Variants in AHNAK2 observed in about 807,000 individuals in gnomAD.
AHNAK2 encodes the protein protein AHNAK2.
AHNAK2 carries 18 observed loss-of-function variants against 30.7 expected under a neutral mutation model. The ratio of observed to expected loss-of-function variants is 0.59; its 90% CI spans 0.41 to 0.87. The LOEUF (loss-of-function observed/expected upper bound fraction) is 0.87, where lower values mean the gene tolerates loss of function less well. AHNAK2 is among the 40% of genes least tolerant of loss of function. The pLI, the probability that AHNAK2 is intolerant of heterozygous loss-of-function variation, is 0.00. For synonymous variants in AHNAK2, 3,590 were observed against 3,073.8 expected (o/e 1.17, Z -5.56); for missense variants, 8,604 against 7,373.0 (o/e 1.17, Z -6.11).
In AHNAK2 at chr14:104,947,361, C is replaced by A. The variant is rs1188555560; in HGVS notation, c.8090G>T (p.Ser2697Ile). 6.2e-7 allele frequency: 1 copy of A among 1,612,688 alleles called. No homozygotes were observed. The highest frequency in any genetic ancestry group is 8.5e-7 in the Non-Finnish European group (1 of 1,179,616). The change falls in exon 7 of 7, where the codon AGC (serine) becomes ATC (isoleucine). Residue 2697 changes from serine (S) to isoleucine (I), a missense_variant. Ser to Ile is a moderately radical substitution (Grantham distance 142). Transcript: ENST00000333244. ...MQGDLKTTDI[S>I]IQPPSAQLEV... ...CAGTTGGGCAGAGGGGGGCTGAATG[C>A]TGATGTCAGTGGTCTTAAGGTCCCC...
At chr14:104,963,830 A>AAAAAAAAAAAG (rs1269426651) in intron 1 of AHNAK2, among the ~76,000 whole-genome samples, 1 of 148,384 alleles carries the variant, frequency 6.7e-6, no homozygotes, top group Non-Finnish European at 1.5e-5. Context: ...ACTCCGTCTA[A>AAAAAAAAAAAG]AAAAAAAAAA....
At position 104,939,171 on chromosome 14, in the gene AHNAK2, T is replaced by G; in HGVS notation, c.16280A>C (p.Glu5427Ala). The change falls in exon 7 of 7, where the codon GAA becomes GCA. Residue 5427 changes from glutamate to alanine, a missense_variant. Coordinates refer to ENST00000333244, the MANE Select transcript of AHNAK2 (RefSeq NM_138420.4). Reference sequence around the variant, plus strand: ...GCTGGCTCCCCAGAGCCCCGGACTTTCCTTACAAAGGGCTGTATCAATATT... The same window carrying G: ...GCTGGCTCCCCAGAGCCCCGGACTTGCCTTACAAAGGGCTGTATCAATATT... ...EANIDTALCK[E>A]SPGLWGASIL... 2 of 1,613,330 alleles carry G rather than the reference T, an allele frequency of 1.2e-6. No individual in the cohort carries two copies. Among genetic ancestry groups the G allele is most frequent in the Non-Finnish European group, 1.7e-6 (2 of 1,179,748 alleles).
intron 1 of AHNAK2, among the ~76,000 whole-genome samples, chr14:104,975,156 C>T (rs1305393816): frequency 1.3e-5 from 2 of 152,194 alleles, no homozygotes; most frequent in African/African-American, 2.4e-5. Context: ...ACGACGAGCC[C>T]GGATGGGAGT....
rs754650051 is a variant in AHNAK2 at position 104,948,357 on chromosome 14, T to C, written c.7094A>G (p.Asp2365Gly). 6.2e-7 allele frequency: 1 copy of C among 1,612,496 alleles called. No individual in the cohort carries two copies. Among genetic ancestry groups the C allele is most frequent in the South Asian group, 1.1e-5 (1 of 91,036 alleles). Residue 2365 changes from aspartate to glycine, a missense_variant, in exon 7 of 7, where the codon GAC becomes GGC. By Grantham distance (94) the Asp-to-Gly change is moderately conservative. Transcript: ENST00000333244. ...AGCGGAAGGGGGCTGAACGCTGAGG[T>C]CAGTGGTCTTGAGGTCCCCCTGCAT... ...PSMQGDLKTT[D>G]LSVQPPSADL...
chr14:104,946,796 G>A lies in AHNAK2; in HGVS notation c.8655C>T (p.His2885=), dbSNP rs190699492. 10,580 of 1,612,610 alleles carry A rather than the reference G, an allele frequency of 6.6e-3. 57 individuals are homozygous for A. The highest frequency in any genetic ancestry group is 7.9e-3 in the Non-Finnish European group (9,371 of 1,179,602). ...GQVDVKLPEG[H]VPEGAGLKGH... ...CTTTGAGGCCGGCTCCCTCGGGAACGTGGCCCTCTGGGAGTTTCACGTCCA... is the reference window on the plus strand; with the variant it reads ...CTTTGAGGCCGGCTCCCTCGGGAACATGGCCCTCTGGGAGTTTCACGTCCA... Residue 2885 remains histidine, a synonymous_variant, in exon 7 of 7, where the codon CAC becomes CAT. Transcript: ENST00000333244.
At position 104,950,782 on chromosome 14, in the gene AHNAK2, C is replaced by T; in HGVS notation, c.4669G>A (p.Val1557Met). The stretch of plus-strand genomic sequence containing the variant: ...GGGCCCTCTGGGAGTTTCACGTCCA[C>T]TTGGCCAGCCTGGACCTCCAGGTCA... ...SADLEVQAGQVDVKLPEGPVS... is the reference protein window; with the variant it reads ...SADLEVQAGQMDVKLPEGPVS... The change falls in exon 7 of 7, where the codon GTG becomes ATG. Residue 1557 changes from valine (V) to methionine (M), a missense_variant. Coordinates refer to ENST00000333244, the MANE Select transcript of AHNAK2 (RefSeq NM_138420.4). The T allele has an allele frequency of 1.3e-6, 2 of 1,585,890 alleles. No homozygotes were observed. Among genetic ancestry groups the T allele is most frequent in the Non-Finnish European group, 8.6e-7 (1 of 1,162,282 alleles).
At position 104,953,103 on chromosome 14, in the gene AHNAK2, G is replaced by T. The variant is rs1898841180; in HGVS notation, c.2348C>A (p.Pro783His). 6.2e-7 allele frequency: 1 copy of T among 1,613,184 alleles called. No individual in the cohort carries two copies. Among genetic ancestry groups the T allele is most frequent in the Non-Finnish European group, 8.5e-7 (1 of 1,179,674 alleles). The change falls in exon 7 of 7, where the codon CCC becomes CAC. Residue 783 changes from proline to histidine, a missense_variant. Physicochemically the swap from Pro to His is moderately conservative, Grantham distance 77. Transcript: ENST00000333244. The part of the protein sequence containing the change: ...LKGPKLDLKG[P>H]KAEVTAPDVK... ...ATCGGGGGCTGTCACTTCCGCCTTG[G>T]GGCCTTTCAGGTCCAGCTTGGGGCC...
chr14:104,952,568 C>T lies in AHNAK2; in HGVS notation c.2883G>A (p.Leu961=), dbSNP rs1275858111. ...EVTAPDGEVS[L]PSMEVDVQAQ... ...CCTGGACATCCACCTCCATGCTGGG[C>T]AGAGACACCTCGCCATCGGGGGCTG... The change falls in exon 7 of 7, where the codon CTG becomes CTA. Residue 961 remains leucine (L), a synonymous_variant. Transcript: ENST00000333244. 2 of 1,612,952 alleles carry T rather than the reference C, an allele frequency of 1.2e-6. No individual in the cohort carries two copies. Among genetic ancestry groups the T allele is most frequent in the Non-Finnish European group, 1.7e-6 (2 of 1,179,740 alleles).
Position 104,940,460 on chromosome 14 carries a change from C to T in AHNAK2, c.14991G>A (p.Pro4997=), listed in dbSNP as rs139443923. 1.2e-5 allele frequency: 20 copies of T among 1,613,818 alleles called. No homozygotes were observed. The highest frequency in any genetic ancestry group is 9.9e-5 in the South Asian group (9 of 91,082). The change falls in exon 7 of 7, where the codon CCG becomes CCA. Residue 4997 remains proline, a synonymous_variant. Coordinates refer to ENST00000333244, the MANE Select transcript of AHNAK2 (RefSeq NM_138420.4). This position sits in a 1 kb window ranked among gnomAD's most constrained non-coding sequence, Gnocchi z 4.4. ...SLVLDKDEVA[P]QSAIHMDLPP... ...GCAGATCCATGTGGATGGCAGACTG[C>T]GGGGCCACTTCATCCTTGTCTAAAA...
At chr14:104,960,917 A>G (rs1899116387) in intron 1 of AHNAK2, among the ~76,000 whole-genome samples, 1 of 150,122 alleles carries the variant, frequency 6.7e-6, no homozygotes, top group African/African-American at 2.5e-5. Context: ...AGATCACTTG[A>G]GGCCAGGAGT....
At chr14:104,967,164 G>A (rs775339221) in intron 1 of AHNAK2, among the ~76,000 whole-genome samples, 6 of 152,210 alleles carry the variant, frequency 3.9e-5, no homozygotes, top group African/African-American at 4.8e-5. Context: ...CAGGTGTTCT[G>A]AGGCTGCCCA....
In AHNAK2 at chr14:104,947,444, C is replaced by A. The variant is rs148748842; in HGVS notation, c.8007G>T (p.Ala2669=). The A allele has an allele frequency of 6.2e-7, 1 of 1,609,012 alleles. No individual in the cohort carries two copies. The highest frequency in any genetic ancestry group is 8.5e-7 in the Non-Finnish European group (1 of 1,178,708). ...RVSAPGESIE[A]LVDVSELKVE... ...CCTTCAGCTCAGACACATCCACCAA[C>A]GCCTCGATGGACTCGCCTGGGGCCG... Residue 2669 remains alanine, a synonymous_variant, in exon 7 of 7, where the codon GCG becomes GCT. Coordinates refer to ENST00000333244, the MANE Select transcript of AHNAK2 (RefSeq NM_138420.4).
chr14:104,962,931 C>T (rs1489025532), intron 1 of AHNAK2, among the ~76,000 whole-genome samples: 1 of 152,148 alleles, frequency 6.6e-6, no homozygotes, highest in Non-Finnish European at 1.5e-5. Flanking sequence ...TATAGGAGAA[C>T]TTCTTTAACA....
In AHNAK2 at chr14:104,944,608, G is replaced by C. The variant is rs781143837; in HGVS notation, c.10843C>G (p.Leu3615Val). The stretch of plus-strand genomic sequence containing the variant: ...TCTCCCTCCAGCCGCCCAGCATCCA[G>C]CTTGGCCTTCGGGGCCTGGACATCC... Reference protein sequence around the residue: ...EVDVQAPKAKLDAGRLEGDLS... With the variant: ...EVDVQAPKAKVDAGRLEGDLS... The change falls in exon 7 of 7, where the codon CTG becomes GTG. Residue 3615 changes from leucine to valine, a missense_variant. Coordinates refer to ENST00000333244, the MANE Select transcript of AHNAK2 (RefSeq NM_138420.4). 1 of 1,613,216 alleles carries C rather than the reference G, an allele frequency of 6.2e-7. No individual in the cohort carries two copies. The highest frequency in any genetic ancestry group is 2.2e-5 in the East Asian group (1 of 44,768).
chr14:104,970,629 G>T, intron 1 of AHNAK2: 2 of 621,142 alleles, frequency 3.2e-6, no homozygotes, highest in Non-Finnish European at 4.0e-6. Context: ...CCACCAGAGG[G>T]AGTGGGCGGG....
Position 104,941,426 on chromosome 14 carries a change from A to T in AHNAK2, c.14025T>A (p.Gly4675=). The change falls in exon 7 of 7, where the codon GGT becomes GGA. Residue 4675 remains glycine, a synonymous_variant. Transcript: ENST00000333244. ...CATCGCGAGATGGATCATGAAGATCACCTTCATGAACAACAGATTCCACAA... is the reference window on the plus strand; with the variant it reads ...CATCGCGAGATGGATCATGAAGATCTCCTTCATGAACAACAGATTCCACAA... ...FPIVESVVHE[G]DLHDPSRDGN... is the part of the protein sequence containing the mutation. 6.2e-7 allele frequency: 1 copy of T among 1,612,968 alleles called. No individual in the cohort carries two copies. The highest frequency in any genetic ancestry group is 8.5e-7 in the Non-Finnish European group (1 of 1,179,580).
chr14:104,939,746 G>C lies in AHNAK2; in HGVS notation c.15705C>G (p.Phe5235Leu). The change falls in exon 7 of 7, where the codon TTC becomes TTG. Residue 5235 changes from phenylalanine (F) to leucine (L), a missense_variant. Transcript: ENST00000333244. The part of the protein sequence containing the change: ...GGEAAAKVKE[F>L]LVSGSNVEAA... ...CCTCCACGTTTGACCCAGAAACAAGGAACTCTTTGACTTTAGCTGCTGCTT... is the reference window on the plus strand; with the variant it reads ...CCTCCACGTTTGACCCAGAAACAAGCAACTCTTTGACTTTAGCTGCTGCTT... 1 of 1,613,852 alleles carries C rather than the reference G, an allele frequency of 6.2e-7. No individual in the cohort carries two copies. The highest frequency in any genetic ancestry group is 8.5e-7 in the Non-Finnish European group (1 of 1,179,896).
chr14:104,953,522 T>TA lies in AHNAK2; in HGVS notation c.1928_1929insT (p.Asn644LysfsTer11). On this transcript the variant is annotated frameshift_variant, in exon 7 of 7. Transcript: ENST00000333244. LOFTEE classifies it low-confidence loss of function (END_TRUNC). ...GTATTAGTTGTATTTTTGTTGTGTT[T>TA]GTCATTGAGTCACTGTCTTCTTTGT... The TA allele has an allele frequency of 6.2e-7, 1 of 1,613,990 alleles. No homozygotes were observed. Among genetic ancestry groups the TA allele is most frequent in the Admixed American group, 1.7e-5 (1 of 60,022 alleles).
chr14:104,957,381 G>C, intron 3 of AHNAK2, 29 bp downstream of exon 3: 2 of 1,546,246 alleles, frequency 1.3e-6, no homozygotes, highest in South Asian at 2.3e-5. Context: ...AGACCTGGGT[G>C]CCTGTGGGGC....
Sources: gnomAD v4.1 joint callset for allele counts (sites outside exome capture counted in the v4.1 genomes callset) on GRCh38, gnomAD v4.1.1 for gene constraint, Gnocchi (gnomAD v3.1) non-coding constraint, MANE v1.5 for transcripts, NCBI Gene and HGNC (gene_info 2026-07-23, HGNC 2026-07-21) for gene names.